Variants in MATK observed in about 807,000 individuals in gnomAD.
The protein encoded by MATK is megakaryocyte-associated tyrosine kinase, also known as megakaryocyte-associated tyrosine-protein kinase.
In MATK, 41 loss-of-function variants were observed where a neutral mutation model predicts 59.8. The observed-to-expected ratio is 0.69, with a 90% CI of 0.53 to 0.89. MATK has a LOEUF of 0.89. MATK is among the 40% of genes least tolerant of loss of function. MATK has a pLI of 0.00. For synonymous variants in MATK, 308 were observed against 306.1 expected, an observed-to-expected ratio of 1.01 and a Z score of -0.06; for missense variants, 593 against 719.6, an observed-to-expected ratio of 0.82 and a Z score of 2.01.
At chr19:3,800,000 G>C (rs1307062502) in intron 1 of MATK, among the ~76,000 whole-genome samples, 1 of 151,862 alleles carries the variant, frequency 6.6e-6, no homozygotes, top group Non-Finnish European at 1.5e-5. Context: ...AAATTAGCTG[G>C]GTGTGGTTGC....
chr19:3,781,078 T>G (rs528042999), intron 8 of MATK, among the ~76,000 whole-genome samples: 9 of 152,338 alleles, frequency 5.9e-5, no homozygotes, highest in African/African-American at 2.2e-4. Flanking sequence ...AGATGAGTGC[T>G]GTTTCAGGAC....
intron 8 of MATK, 104 bp downstream of exon 8, chr19:3,781,503 T>G (rs1476042965): frequency 9.2e-6 from 11 of 1,193,724 alleles, no homozygotes; most frequent in Non-Finnish European, 1.4e-5. Context: ...GCTGCACAAC[T>G]AGTAGGTGGT....
At chr19:3,795,983 A>G (rs1309183864) in intron 1 of MATK, among the ~76,000 whole-genome samples, 9 of 151,686 alleles carry the variant, frequency 5.9e-5, no homozygotes, top group Non-Finnish European at 1.3e-4. Context: ...GCTGGTCTCG[A>G]ACTCCTGACC....
At chr19:3,800,921 C>T (rs920864885) in intron 1 of MATK, among the ~76,000 whole-genome samples, 2 of 152,038 alleles carry the variant, frequency 1.3e-5, no homozygotes, top group African/African-American at 2.4e-5. Context: ...AGTGCAGTGG[C>T]GCAATCTCGG....
chr19:3,779,463 G>A lies in MATK; in HGVS notation c.928-12C>T. 1 of 1,612,986 alleles carries A rather than the reference G, an allele frequency of 6.2e-7. No homozygotes were observed. Among genetic ancestry groups the A allele is most frequent in the East Asian group, 2.2e-5 (1 of 44,874 alleles). On this transcript the variant is annotated splice_polypyrimidine_tract_variant and intron_variant, in intron 10 of 13. Transcript: ENST00000310132. ...TTCACCAGGTTGCCCTGTTGGGGGTGGGAGATGGCCGCGGGATGTTGGGGC... is the reference window on the plus strand; with the variant it reads ...TTCACCAGGTTGCCCTGTTGGGGGTAGGAGATGGCCGCGGGATGTTGGGGC...
chr19:3,789,509 C>G, upstream of MATK: 2 of 540,282 alleles, frequency 3.7e-6, no homozygotes, highest in Non-Finnish European at 6.7e-6. Context: ...GGTCTTGAGC[C>G]CAGAGAAGGG....
intron 2 of MATK, 36 bp from the exon 3 acceptor site, chr19:3,784,920 T>G: frequency 6.8e-7 from 1 of 1,467,178 alleles, no homozygotes; most frequent in Non-Finnish European, 9.4e-7. Context: ...GGAGCTGGGC[T>G]GGGACCCACG....
intron 8 of MATK, 102 bp downstream of exon 8, chr19:3,781,505 G>T: frequency 1.6e-6 from 2 of 1,213,700 alleles, no homozygotes; most frequent in Non-Finnish European, 2.4e-6. Context: ...TGCACAACTA[G>T]TAGGTGGTTA....
At chr19:3,793,799 G>C (rs1413506696) in intron 1 of MATK, among the ~76,000 whole-genome samples, 5 of 152,204 alleles carry the variant, frequency 3.3e-5, no homozygotes, top group Non-Finnish European at 7.3e-5. Context: ...AACCTGGGAG[G>C]TGGAGGTTGC....
chr19:3,780,378 T>C lies in MATK; in HGVS notation c.743-581A>G, dbSNP rs1474451054. ...CGGGGCCAAATCTACCTATCACCTC[T>C]TTTTGCAAGACCCTTCAGCTCAAAA... On this transcript the variant is annotated intron_variant, in intron 8 of 13. Coordinates refer to ENST00000310132, the MANE Select transcript of MATK (RefSeq NM_139355.3). Among the ~76,000 whole-genome samples the C allele has an allele frequency of 2.0e-5, 3 of 152,266 alleles. No individual in the cohort carries two copies. In the East Asian group the frequency reaches 5.8e-4, roughly 29 times the overall value.
intron 1 of MATK, among the ~76,000 whole-genome samples, chr19:3,801,343 T>A (rs2037641667): frequency 6.6e-6 from 1 of 151,940 alleles, no homozygotes; most frequent in South Asian, 2.1e-4. Flanking sequence ...GCCAGGGAGA[T>A]GCTGCCTGCA....
intron 6 of MATK, among the ~76,000 whole-genome samples, chr19:3,783,468 T>G (rs897118815): frequency 6.6e-6 from 1 of 152,032 alleles, no homozygotes; most frequent in African/African-American, 2.4e-5. Flanking sequence ...CCAGGCTGAC[T>G]CAGGCCACCT....
chr19:3,784,100 C>A, intron 5 of MATK, 24 bp downstream of exon 5: 1 of 1,595,004 alleles, frequency 6.3e-7, no homozygotes. Context: ...TCCCCTACCC[C>A]AGGCCCCTGT....
Position 3,778,522 on chromosome 19 carries a change from G to A in MATK, c.1271C>T (p.Pro424Leu), listed in dbSNP as rs940855145. ...LWEVFSYGRA[P>L]YPKMSLKEVS... ...ACCCCCGCTCACCATTTTAGGGTAC[G>A]GAGCCCGTCCATATGAGAAGACCTC... is the stretch of plus-strand genomic sequence containing the variant. The change falls in exon 13 of 14, where the codon CCG (proline) becomes CTG (leucine). Residue 424 changes from proline (P) to leucine (L), a missense_variant. Physicochemically the swap from Pro to Leu is moderately conservative, Grantham distance 98 (BLOSUM62 -3). Transcript: ENST00000310132. 21 of 1,613,768 alleles carry A rather than the reference G, an allele frequency of 1.3e-5. No homozygotes were observed. The highest frequency in any genetic ancestry group is 2.2e-5 in the East Asian group (1 of 44,884).
upstream of MATK, among the ~76,000 whole-genome samples, chr19:3,789,791 C>T (rs1243128367): frequency 7.2e-6 from 1 of 138,906 alleles, no homozygotes; most frequent in Non-Finnish European, 1.5e-5. Context: ...GTGGCCTGAT[C>T]TCGGCTCACT....
intron 12 of MATK, 133 bp downstream of exon 12, chr19:3,778,859 T>A: frequency 1.0e-6 from 1 of 997,336 alleles, no homozygotes; most frequent in Non-Finnish European, 1.4e-6. Flanking sequence ...GGAACAATTA[T>A]GGGCCAAGAG....
upstream of MATK, among the ~76,000 whole-genome samples, chr19:3,787,165 C>T (rs2037495296): frequency 1.3e-5 from 2 of 152,210 alleles, no homozygotes; most frequent in Admixed American, 1.3e-4. Context: ...CAGGGTCTCA[C>T]TCTATCCCCT....
chr19:3,794,377 G>A (rs539095796), intron 1 of MATK, among the ~76,000 whole-genome samples: 26 of 152,306 alleles, frequency 1.7e-4, no homozygotes, highest in South Asian at 1.0e-3. Context: ...AAGGAGGCCA[G>A]GCATGAAGGC....
In MATK at chr19:3,786,060, C is replaced by T. The variant is rs1334457483; in HGVS notation, c.-152+109G>A. 1.1e-5 allele frequency: 4 copies of T among 370,392 alleles called. No individual in the cohort carries two copies. The highest frequency in any genetic ancestry group is 1.5e-5 in the Non-Finnish European group (4 of 267,646). 22.9% of individuals were successfully genotyped at this position (370,392 alleles called of 1,614,324 possible). On this transcript the variant is annotated intron_variant, in intron 1 of 13. Transcript: ENST00000310132. This position sits in a 1 kb window ranked among gnomAD's most constrained non-coding sequence, Gnocchi z 4.1. The stretch of plus-strand genomic sequence containing the variant: ...CCCGGGACGCGCACACTCGCGCACA[C>T]ACCGGCCCTTCCTGCGCACGTCCCG...
Sources: gnomAD v4.1 joint callset for allele counts (sites outside exome capture counted in the v4.1 genomes callset) on GRCh38, gnomAD v4.1.1 for gene constraint, Gnocchi (gnomAD v3.1) non-coding constraint, MANE v1.5 for transcripts, NCBI Gene and HGNC (gene_info 2026-07-23, HGNC 2026-07-21) for gene names.